Variants in PLCB3 observed in about 807,000 individuals in gnomAD.
PLCB3 encodes 1-phosphatidylinositol 4,5-bisphosphate phosphodiesterase beta-3.
A neutral mutation model predicts 152.1 loss-of-function variants in PLCB3; 54 were observed. That is an observed-to-expected ratio of 0.36 (90% CI 0.29 to 0.45). The LOEUF is 0.45. Ranked by LOEUF, PLCB3 falls within the 20% of genes least tolerant of loss-of-function variation. PLCB3 has a pLI of 1.00. For missense variants in PLCB3, 1,248 were observed against 1,687.5 expected (o/e 0.74, Z 4.56); for synonymous variants, 717 against 698.7 (o/e 1.03, Z -0.41).
rs779019666 is a variant in PLCB3 at position 64,258,849 on chromosome 11, G to GTC, written c.1254-36_1254-35insTC. 57 of 1,611,974 alleles carry GTC rather than the reference G, an allele frequency of 3.5e-5. No individual in the cohort carries two copies. Among genetic ancestry groups the GTC allele is most frequent in the Non-Finnish European group, 4.6e-5 (54 of 1,178,246 alleles). Reference sequence around the variant, plus strand: ...CCGTAGACCTCAGCTTCCTCTCTGGGGGAGGGATCTCTGACCTCTGACCTC... The same window carrying GTC: ...CCGTAGACCTCAGCTTCCTCTCTGGGTCGGAGGGATCTCTGACCTCTGACCTC... On this transcript the variant is annotated intron_variant, in intron 11 of 30. Coordinates refer to ENST00000279230, the MANE Select transcript of PLCB3 (RefSeq NM_000932.5). The surrounding 1 kb of genome is among the most constrained non-coding windows in gnomAD (Gnocchi z 7.2).
chr11:64,254,517 C>G (rs367801636), intron 2 of PLCB3, 25 bp downstream of exon 2: 8 of 1,607,120 alleles, frequency 5.0e-6, no homozygotes, highest in South Asian at 1.1e-5. Context: ...TGGTGCAGCT[C>G]GCTCAGGCCA....
rs1229652910 is a variant in PLCB3 at position 64,258,990 on chromosome 11, G to C, written c.1338+21G>C. The C allele has an allele frequency of 6.2e-7, 1 of 1,613,638 alleles. No individual in the cohort carries two copies. Among genetic ancestry groups the C allele is most frequent in the African/African-American group, 1.3e-5 (1 of 75,026 alleles). On this transcript the variant is annotated intron_variant, in intron 12 of 30. Coordinates refer to ENST00000279230, the MANE Select transcript of PLCB3 (RefSeq NM_000932.5). The surrounding 1 kb of genome is among the most constrained non-coding windows in gnomAD (Gnocchi z 7.2). ...ACCCGGTACGGGAGCTCGGAGCGAG[G>C]GGGGTGGCATGGGGGCCAGGGTGCT...
In PLCB3 at chr11:64,255,924, C is replaced by T. The variant is rs2031506556; in HGVS notation, c.698+103C>T. 2 of 913,274 alleles carry T rather than the reference C, an allele frequency of 2.2e-6. No individual in the cohort carries two copies. Among genetic ancestry groups the T allele is most frequent in the South Asian group, 1.3e-5 (1 of 74,306 alleles). The allele number at this position is 913,274 out of a possible 1,614,324, so 56.6% of individuals were successfully genotyped here. ...GAGAGGGGAAACTGGTGGGCCGGGT[C>T]CTGGAGCGCCAGGGGGCGGAGGGGT... On this transcript the variant is annotated intron_variant, in intron 8 of 30. Transcript: ENST00000279230. This position sits in a 1 kb window ranked among gnomAD's most constrained non-coding sequence, Gnocchi z 6.8.
Position 64,265,745 on chromosome 11 carries a change from A to T in PLCB3, c.3036-141A>T, listed in dbSNP as rs981513940. 7.9e-6 allele frequency: 10 copies of T among 1,261,142 alleles called. No individual in the cohort carries two copies. The African/African-American group carries it at 1.4e-4, about 17-fold the overall frequency. 78.1% of individuals were successfully genotyped at this position (1,261,142 alleles called of 1,614,324 possible). ...CTCCCATCACTTGGGTGGAGCTAACAGGCCTCCTGGTTTGCATAACAGACC... is the reference window on the plus strand; with the variant it reads ...CTCCCATCACTTGGGTGGAGCTAACTGGCCTCCTGGTTTGCATAACAGACC... On this transcript the variant is annotated intron_variant, in intron 25 of 30. Coordinates refer to ENST00000279230, the MANE Select transcript of PLCB3 (RefSeq NM_000932.5).
At chr11:64,254,290 A>G in intron 1 of PLCB3, 125 bp from the exon 2 acceptor site, 2 of 768,668 alleles carry the variant, frequency 2.6e-6, no homozygotes, top group Non-Finnish European at 4.6e-6. Flanking sequence ...GGACCTGTGG[A>G]CTGGATGAGG....
At chr11:64,253,829 G>A (rs1420077221) in intron 1 of PLCB3, among the ~76,000 whole-genome samples, 1 of 152,226 alleles carries the variant, frequency 6.6e-6, no homozygotes, top group African/African-American at 2.4e-5. Context: ...GTTCTTCTAC[G>A]AGATGGGGAT....
chr11:64,252,519 C>G (rs989941763), intron 1 of PLCB3, among the ~76,000 whole-genome samples: 1 of 152,246 alleles, frequency 6.6e-6, no homozygotes, highest in African/African-American at 2.4e-5. Context: ...TTCCCTAGGG[C>G]CTCCACCCGG....
Position 64,263,614 on chromosome 11 carries a change from C to T in PLCB3, c.2455+17C>T, listed in dbSNP as rs2135061560. 1 of 1,608,350 alleles carries T rather than the reference C, an allele frequency of 6.2e-7. No individual in the cohort carries two copies. Among genetic ancestry groups the T allele is most frequent in the Non-Finnish European group, 8.5e-7 (1 of 1,175,878 alleles). On this transcript the variant is annotated intron_variant, in intron 20 of 30. Coordinates refer to ENST00000279230, the MANE Select transcript of PLCB3 (RefSeq NM_000932.5). ...TCCGCTCCGGTGAGGCCTTGGTGGGCTCTGGGCAGCACAGCGGGCAGTGGG... is the reference window on the plus strand; with the variant it reads ...TCCGCTCCGGTGAGGCCTTGGTGGGTTCTGGGCAGCACAGCGGGCAGTGGG...
rs770632621 is a variant in PLCB3, at chr11:64,251,647, G to T, written c.-3G>T. 17 of 1,458,680 alleles carry T rather than the reference G, an allele frequency of 1.2e-5. 2 individuals carry two copies. The South Asian group carries it at 2.1e-4, about 18-fold the overall frequency. 90.4% of individuals were successfully genotyped at this position (1,458,680 alleles called of 1,614,324 possible). ...GGGTCCCCGACCCGCCCCTGGCCGG[G>T]CCATGGCGGGCGCCCAGCCCGGCGT... is the stretch of plus-strand genomic sequence containing the variant. On this transcript the variant is annotated 5_prime_UTR_variant, in exon 1 of 31. Transcript: ENST00000279230.
intron 19 of PLCB3, chr11:64,263,268 C>T (rs1033295304): frequency 7.1e-6 from 4 of 566,400 alleles, no homozygotes; most frequent in East Asian, 2.9e-5. Context: ...CTGGAGGGGC[C>T]TGGCTGCCTG....
Position 64,258,988 on chromosome 11 carries a change from A to AG in PLCB3, c.1338+25dup, listed in dbSNP as rs1485323529. 2 of 1,613,514 alleles carry AG rather than the reference A, an allele frequency of 1.2e-6. No homozygotes were observed. The highest frequency in any genetic ancestry group is 2.2e-5 in the East Asian group (1 of 44,860). On this transcript the variant is annotated intron_variant, in intron 12 of 30. Transcript: ENST00000279230. This position sits in a 1 kb window ranked among gnomAD's most constrained non-coding sequence, Gnocchi z 7.2. ...GTACCCGGTACGGGAGCTCGGAGCG[A>AG]GGGGGGTGGCATGGGGGCCAGGGTG...
chr11:64,254,525 C>T (rs780673972), intron 2 of PLCB3, 33 bp downstream of exon 2: 1 of 1,594,496 alleles, frequency 6.3e-7, no homozygotes, highest in South Asian at 1.1e-5. Context: ...CTCGCTCAGG[C>T]CAAGGACCCC....
chr11:64,255,457 C>G lies in PLCB3; in HGVS notation c.521+8C>G, dbSNP rs371067606. The G allele has an allele frequency of 3.4e-5, 55 of 1,614,148 alleles. No homozygotes were observed. In the African/African-American group the frequency reaches 6.8e-4, roughly 20 times the overall value. On this transcript the variant is annotated splice_region_variant and intron_variant, in intron 6 of 30. Transcript: ENST00000279230. This position sits in a 1 kb window ranked among gnomAD's most constrained non-coding sequence, Gnocchi z 6.8. ...TCGGATCCCCGTCAAGAAGTGAGCA[C>G]CCCTTCCCCCAGCACCTTCCTCCTG...
Position 64,256,724 on chromosome 11 carries a change from T to C in PLCB3, c.972T>C (p.Ser324=). Residue 324 remains serine (S), a synonymous_variant, in exon 10 of 31, where the codon AGT becomes AGC. Transcript: ENST00000279230. Reference sequence around the variant, plus strand: ...GCACGGACATGACCCAGCCACTGAGTGCCTACTTCATCAACTCCTCGCATA... The same window carrying C: ...GCACGGACATGACCCAGCCACTGAGCGCCTACTTCATCAACTCCTCGCATA... ...DLSTDMTQPL[S]AYFINSSHNT... The C allele has an allele frequency of 6.2e-7, 1 of 1,614,178 alleles. No homozygotes were observed. Among genetic ancestry groups the C allele is most frequent in the East Asian group, 2.2e-5 (1 of 44,878 alleles).
chr11:64,258,179 T>C lies in PLCB3; in HGVS notation c.1013-294T>C, dbSNP rs189585162. 2.5e-3 allele frequency among the ~76,000 whole-genome samples: 369 copies of C among 148,152 alleles called. 4 individuals are homozygous for C. The highest frequency in any genetic ancestry group is 0.013 in the East Asian group (63 of 5,038). ...AAAAAAAAAAAAAAAAGAGATTGGA[T>C]TGGAGGCAGGGAGGGCTGGAGTCTT... is the stretch of plus-strand genomic sequence containing the variant. On this transcript the variant is annotated intron_variant, in intron 10 of 30. Transcript: ENST00000279230. This position sits in a 1 kb window ranked among gnomAD's most constrained non-coding sequence, Gnocchi z 7.2.
chr11:64,259,127 C>T lies in PLCB3; in HGVS notation c.1408C>T (p.Arg470Trp), dbSNP rs767101293. ...MGRILVKNKKRHRPSAGGPDS... is the reference protein window; with the variant it reads ...MGRILVKNKKWHRPSAGGPDS... ...CCGTATCCTGGTGAAGAACAAGAAG[C>T]GGCACCGACCCAGCGCAGGTGGCCC... The change falls in exon 13 of 31, where the codon CGG (arginine) becomes TGG (tryptophan). Residue 470 changes from arginine to tryptophan, a missense_variant. Around this residue, in one of 6 missense-constraint regions of PLCB3, gnomAD observed 122 missense variants for 221.8 expected, o/e 0.55. Coordinates refer to ENST00000279230, the MANE Select transcript of PLCB3 (RefSeq NM_000932.5). The T allele has an allele frequency of 5.6e-6, 9 of 1,611,930 alleles. No homozygotes were observed. Among genetic ancestry groups the T allele is most frequent in the African/African-American group, 1.3e-5 (1 of 74,988 alleles).
Position 64,258,792 on chromosome 11 carries a change from C to T in PLCB3, c.1253+79C>T. On this transcript the variant is annotated intron_variant, in intron 11 of 30. Coordinates refer to ENST00000279230, the MANE Select transcript of PLCB3 (RefSeq NM_000932.5). This position sits in a 1 kb window ranked among gnomAD's most constrained non-coding sequence, Gnocchi z 7.2. ...TCAGTGCTGTTGGACTGCTCAGGGACCTCCAACCCTGCGAACGGCCACTGA... is the reference window on the plus strand; with the variant it reads ...TCAGTGCTGTTGGACTGCTCAGGGATCTCCAACCCTGCGAACGGCCACTGA... 6.2e-6 allele frequency: 10 copies of T among 1,601,382 alleles called. No individual in the cohort carries two copies. The highest frequency in any genetic ancestry group is 8.6e-6 in the Non-Finnish European group (10 of 1,169,456).
rs1464588352 is a variant in PLCB3, at chr11:64,267,827, G to A, written c.*271G>A. The stretch of plus-strand genomic sequence containing the variant: ...AGCGTCTCCTCCCTTCCCCGGGAGA[G>A]CTGGCTGGAGACTTGGAGCTCCGGG... On this transcript the variant is annotated 3_prime_UTR_variant, in exon 31 of 31. Transcript: ENST00000279230. The surrounding 1 kb of genome is among the most constrained non-coding windows in gnomAD (Gnocchi z 5.2). 1 of 431,436 alleles carries A rather than the reference G, an allele frequency of 2.3e-6. No homozygotes were observed. The highest frequency in any genetic ancestry group is 4.1e-6 in the Non-Finnish European group (1 of 243,288). 26.7% of individuals were successfully genotyped at this position (431,436 alleles called of 1,614,324 possible).
In PLCB3 at chr11:64,266,649, G is replaced by C. The variant is rs1484051952; in HGVS notation, c.3414+97G>C. On this transcript the variant is annotated intron_variant, in intron 29 of 30. Transcript: ENST00000279230. The surrounding 1 kb of genome is among the most constrained non-coding windows in gnomAD (Gnocchi z 4.9). ...GGCCTGGTGCCACGTTGCCCTCAAG[G>C]TTCTTCTAGGGCCTTTCTCAAGTGC... 7 of 1,188,000 alleles carry C rather than the reference G, an allele frequency of 5.9e-6. No homozygotes were observed. Among genetic ancestry groups the C allele is most frequent in the African/African-American group, 4.5e-5 (3 of 66,486 alleles). 73.6% of individuals were successfully genotyped at this position (1,188,000 alleles called of 1,614,324 possible). A position where few individuals can be genotyped will look rare whatever the true frequency, so the allele number is the denominator to read the frequency against.
Sources: gnomAD v4.1 joint callset for allele counts (sites outside exome capture counted in the v4.1 genomes callset) on GRCh38, gnomAD v4.1.1 for gene constraint, gnomAD v4.1.1 regional missense constraint, Gnocchi (gnomAD v3.1) non-coding constraint, MANE v1.5 for transcripts, NCBI Gene and HGNC (gene_info 2026-07-23, HGNC 2026-07-21) for gene names.